The following RASGEF1A variants were observed in gnomAD, a reference collection of about 807,000 sequenced individuals.
RASGEF1A encodes the protein RasGEF domain family member 1A.
Under a neutral mutation model 56.4 loss-of-function variants are expected in RASGEF1A, and 18 were observed. The ratio of observed to expected loss-of-function variants is 0.32; its 90% CI spans 0.22 to 0.47. The LOEUF is 0.47. Among genes scored for constraint, RASGEF1A ranks in the 20% least tolerant of loss-of-function variants. The pLI is 1.00. For missense variants in RASGEF1A, 422 were observed against 627.1 expected, an observed-to-expected ratio of 0.67 and a Z score of 3.49; for synonymous variants, 245 against 242.6, an observed-to-expected ratio of 1.01 and a Z score of -0.09.
chr10:43,225,509 GTGTGTCTGTGTGTCTC>G (rs1304652038), intron 1 of RASGEF1A, among the ~76,000 whole-genome samples: 1 of 151,680 alleles, frequency 6.6e-6, no homozygotes, highest in Non-Finnish European at 1.5e-5. Context: ...GCATGTCTCT[GTGTGTCTGTGTGTCTC>G]TGTGTCTGTG....
intron 1 of RASGEF1A, among the ~76,000 whole-genome samples, chr10:43,257,362 C>T (rs529578387): frequency 6.6e-6 from 1 of 152,380 alleles, no homozygotes; most frequent in South Asian, 2.1e-4. Context: ...AGGTGGGCAG[C>T]TCATCAGCCA....
chr10:43,226,956 G>T (rs1217188433), intron 1 of RASGEF1A, among the ~76,000 whole-genome samples: 1 of 152,236 alleles, frequency 6.6e-6, no homozygotes, highest in Non-Finnish European at 1.5e-5. Flanking sequence ...ATCTCTTCAG[G>T]ATTGGGGGTC....
chr10:43,212,875 G>T (rs1840087793), intron 1 of RASGEF1A, among the ~76,000 whole-genome samples: 1 of 152,200 alleles, frequency 6.6e-6, no homozygotes, highest in Non-Finnish European at 1.5e-5. Context: ...ACACACACAG[G>T]TTCACACAGG....
chr10:43,209,370 C>T (rs1453008846), intron 1 of RASGEF1A, among the ~76,000 whole-genome samples: 1 of 152,216 alleles, frequency 6.6e-6, no homozygotes, highest in Non-Finnish European at 1.5e-5. Flanking sequence ...GCCGAGCAAG[C>T]AGCAGGGGTA....
At chr10:43,265,583 G>A (rs1379635761) in intron 1 of RASGEF1A, among the ~76,000 whole-genome samples, 3 of 152,260 alleles carry the variant, frequency 2.0e-5, no homozygotes, top group African/African-American at 4.8e-5. Context: ...CCCTTCCTGG[G>A]CTGGGGTCCT....
intron 1 of RASGEF1A, among the ~76,000 whole-genome samples, chr10:43,248,962 G>T (rs1434583533): frequency 6.6e-6 from 1 of 152,170 alleles, no homozygotes. Flanking sequence ...GGTGGGGAGA[G>T]CCAGGAGTGG....
At chr10:43,213,792 A>C (rs1309076343) in intron 1 of RASGEF1A, among the ~76,000 whole-genome samples, 1 of 150,338 alleles carries the variant, frequency 6.7e-6, no homozygotes, top group Non-Finnish European at 1.5e-5. Flanking sequence ...ATGCCCAGCT[A>C]ATGTTTGTAT....
chr10:43,238,203 C>T (rs929623589), intron 1 of RASGEF1A, among the ~76,000 whole-genome samples: 5 of 151,706 alleles, frequency 3.3e-5, no homozygotes, highest in Non-Finnish European at 5.9e-5. Context: ...TTAAAGGGGT[C>T]TTCAGGGGAG....
intron 1 of RASGEF1A, among the ~76,000 whole-genome samples, chr10:43,224,529 T>C (rs1461537510): frequency 1.3e-5 from 2 of 152,188 alleles, no homozygotes; most frequent in Admixed American, 6.5e-5. Context: ...TTGCTAGATA[T>C]AGGAAAGCCT....
At chr10:43,253,862 G>A (rs1158931568) in intron 1 of RASGEF1A, among the ~76,000 whole-genome samples, 1 of 152,248 alleles carries the variant, frequency 6.6e-6, no homozygotes, top group Non-Finnish European at 1.5e-5. Context: ...CCATCTGTGG[G>A]ACTTTTTTGC....
chr10:43,218,816 A>G (rs1840170173), intron 1 of RASGEF1A, among the ~76,000 whole-genome samples: 1 of 152,272 alleles, frequency 6.6e-6, no homozygotes, highest in Admixed American at 6.5e-5. Context: ...GCCTGGCCAC[A>G]GGCGCGACGC....
intron 1 of RASGEF1A, among the ~76,000 whole-genome samples, chr10:43,242,381 G>T (rs1840512045): frequency 6.6e-6 from 1 of 152,116 alleles, no homozygotes; most frequent in African/African-American, 2.4e-5. Flanking sequence ...AAAACTGATA[G>T]AATTGAAGGA....
intron 1 of RASGEF1A, among the ~76,000 whole-genome samples, chr10:43,258,036 T>C (rs1037269565): frequency 6.6e-5 from 10 of 152,156 alleles, no homozygotes; most frequent in Admixed American, 6.5e-4. Flanking sequence ...CTGGGCAGGT[T>C]TCCAGTGGGC....
chr10:43,197,508 C>T (rs550002928), intron 10 of RASGEF1A, among the ~76,000 whole-genome samples: 35 of 152,338 alleles, frequency 2.3e-4, no homozygotes, highest in Middle Eastern at 3.4e-3. Context: ...CACACCTCAC[C>T]TGTGTGAGGT....
At position 43,196,376 on chromosome 10, in the gene RASGEF1A, G is replaced by A. The variant is rs771995687; in HGVS notation, c.1421+100C>T. 1.2e-5 allele frequency: 18 copies of A among 1,551,604 alleles called. No homozygotes were observed. The highest frequency in any genetic ancestry group is 2.3e-5 in the East Asian group (1 of 44,366). Reference sequence around the variant, plus strand: ...GCACCAGGGACCCTGGACCAGGGACGCGGCAGTGCCCAGGCTCCCTTTCCA... The same window carrying A: ...GCACCAGGGACCCTGGACCAGGGACACGGCAGTGCCCAGGCTCCCTTTCCA... On this transcript the variant is annotated intron_variant, in intron 12 of 12. Coordinates refer to ENST00000395810, the MANE Select transcript of RASGEF1A (RefSeq NM_145313.4). The surrounding 1 kb of genome is among the most constrained non-coding windows in gnomAD (Gnocchi z 4.6).
At chr10:43,217,820 A>G (rs1840157595) in intron 1 of RASGEF1A, among the ~76,000 whole-genome samples, 2 of 152,130 alleles carry the variant, frequency 1.3e-5, no homozygotes, top group East Asian at 1.9e-4. Flanking sequence ...TTCTCCCCCA[A>G]CCACCCAGCC....
chr10:43,198,023 T>C lies in RASGEF1A; in HGVS notation c.1205A>G (p.Asn402Ser), dbSNP rs770962017. ...GCTCACCTTAAAGTTAATGTGCCCG[T>C]TGGGCAGGTGGTTGGTATGGATTTT... The part of the protein sequence containing the change: ...LHKIHTNHLP[N>S]GHINFKKFWE... The change falls in exon 10 of 13, where the codon AAC (asparagine) becomes AGC (serine). Residue 402 changes from asparagine (N) to serine (S), a missense_variant. Asn to Ser is a conservative substitution (Grantham distance 46). Coordinates refer to ENST00000395810, the MANE Select transcript of RASGEF1A (RefSeq NM_145313.4). 3.1e-6 allele frequency: 5 copies of C among 1,612,552 alleles called. 1 individual carries two copies. The South Asian group carries it at 4.4e-5, about 14-fold the overall frequency.
At chr10:43,219,179 C>T (rs1477296815) in intron 1 of RASGEF1A, among the ~76,000 whole-genome samples, 1 of 152,244 alleles carries the variant, frequency 6.6e-6, no homozygotes, top group Non-Finnish European at 1.5e-5. Context: ...CTGCTCCCCC[C>T]TCCCCTTGGC....
At chr10:43,238,110 G>A (rs1030529292) in intron 1 of RASGEF1A, among the ~76,000 whole-genome samples, 1 of 147,810 alleles carries the variant, frequency 6.8e-6, no homozygotes, top group Non-Finnish European at 1.5e-5. Context: ...GGGAGGGGGG[G>A]TGCTGCAGAT....
Sources: gnomAD v4.1 joint callset for allele counts (sites outside exome capture counted in the v4.1 genomes callset) on GRCh38, gnomAD v4.1.1 for gene constraint, Gnocchi (gnomAD v3.1) non-coding constraint, MANE v1.5 for transcripts, NCBI Gene and HGNC (gene_info 2026-07-23, HGNC 2026-07-21) for gene names.